The following KIF26B variants were observed in gnomAD, a reference collection of about 807,000 sequenced individuals.
KIF26B encodes kinesin family member 26B.
In KIF26B, 63 loss-of-function variants were observed where a neutral mutation model predicts 151.2. That is an observed-to-expected ratio of 0.42 (90% CI 0.34 to 0.51). KIF26B has a LOEUF of 0.51. Ranked by LOEUF, KIF26B falls within the 20% of genes least tolerant of loss-of-function variation. KIF26B has a pLI of 0.07. For missense variants in KIF26B, 2,813 were observed against 2,913.6 expected, an observed-to-expected ratio of 0.97 and a Z score of 0.79; for synonymous variants, 1,357 against 1,262.1, an observed-to-expected ratio of 1.08 and a Z score of -1.59.
chr1:245,685,647 C>G lies in KIF26B; in HGVS notation c.2664C>G (p.Asp888Glu), dbSNP rs1221325159. The G allele has an allele frequency of 1.2e-6, 2 of 1,613,286 alleles. No individual in the cohort carries two copies. Among genetic ancestry groups the G allele is most frequent in the Non-Finnish European group, 1.7e-6 (2 of 1,179,822 alleles). ...KELTDNEGPP[D>E]FVPIVPALQK... is the part of the protein sequence containing the mutation. ...TCACCGACAACGAGGGCCCCCCAGACTTTGTCCCTATCGTGCCAGCCCTGC... is the reference window on the plus strand; with the variant it reads ...TCACCGACAACGAGGGCCCCCCAGAGTTTGTCCCTATCGTGCCAGCCCTGC... The change falls in exon 12 of 15, where the codon GAC becomes GAG. Residue 888 changes from aspartate (D) to glutamate (E), a missense_variant. Coordinates refer to ENST00000407071, the MANE Select transcript of KIF26B (RefSeq NM_018012.4).
chr1:245,629,466 C>G (rs144647849), intron 9 of KIF26B, among the ~76,000 whole-genome samples: 1 of 151,998 alleles, frequency 6.6e-6, no homozygotes, highest in Non-Finnish European at 1.5e-5. Context: ...ATCTGATCTT[C>G]GACAAACCTG....
intron 2 of KIF26B, among the ~76,000 whole-genome samples, chr1:245,233,892 A>G (rs1670049249): frequency 6.6e-6 from 1 of 152,050 alleles, no homozygotes; most frequent in Non-Finnish European, 1.5e-5. Context: ...CTTAGAAATA[A>G]TGTTTCGGGC....
rs920446953 is a variant in KIF26B, at chr1:245,227,637, C to A, written c.465+70954C>A. On this transcript the variant is annotated intron_variant, in intron 2 of 14. Transcript: ENST00000407071. This position sits in a 1 kb window ranked among gnomAD's most constrained non-coding sequence, Gnocchi z 4.1. The stretch of plus-strand genomic sequence containing the variant: ...AGTTACAGTATTAGACTCACTGTTT[C>A]CTGAGCCACTAAATGTATCAGACTG... Among the ~76,000 whole-genome samples, 4 of 152,168 alleles carry A rather than the reference C, an allele frequency of 2.6e-5. No individual in the cohort carries two copies. Among genetic ancestry groups the A allele is most frequent in the African/African-American group, 9.7e-5 (4 of 41,446 alleles).
At chr1:245,288,535 A>G (rs1052779870) in intron 2 of KIF26B, among the ~76,000 whole-genome samples, 1 of 152,220 alleles carries the variant, frequency 6.6e-6, no homozygotes, top group Non-Finnish European at 1.5e-5. Flanking sequence ...CATATGCCGT[A>G]AAGATTGGGG....
intron 8 of KIF26B, among the ~76,000 whole-genome samples, chr1:245,611,377 T>A (rs2043519569): frequency 6.6e-6 from 1 of 152,168 alleles, no homozygotes. Context: ...GCAACCTACC[T>A]GTCTCCAAAC....
chr1:245,635,496 G>A (rs1260651580), intron 9 of KIF26B, among the ~76,000 whole-genome samples: 1 of 151,916 alleles, frequency 6.6e-6, no homozygotes. Context: ...TTGATCATTT[G>A]TGTCTTTCTT....
At chr1:245,553,769 G>T (rs1027608537) in intron 5 of KIF26B, among the ~76,000 whole-genome samples, 4 of 152,132 alleles carry the variant, frequency 2.6e-5, no homozygotes, top group African/African-American at 9.7e-5. Context: ...CTGATGGGCT[G>T]GTTAGTCCCA....
Position 245,217,487 on chromosome 1 carries a change from C to T in KIF26B, c.465+60804C>T, listed in dbSNP as rs943859526. On this transcript the variant is annotated intron_variant, in intron 2 of 14. Coordinates refer to ENST00000407071, the MANE Select transcript of KIF26B (RefSeq NM_018012.4). ...TCAAGCGATTCTCCTGCCTCAGCCT[C>T]CCTAGTAGCTGGCATTACAGGTGCC... Among the ~76,000 whole-genome samples the T allele has an allele frequency of 2.0e-5, 3 of 151,886 alleles. No homozygotes were observed. The South Asian group carries it at 6.2e-4, about 32-fold the overall frequency.
chr1:245,389,345 T>A (rs545111949), intron 3 of KIF26B, among the ~76,000 whole-genome samples: 2 of 151,698 alleles, frequency 1.3e-5, no homozygotes, highest in African/African-American at 4.8e-5. Context: ...ACTCCTGACC[T>A]CAGGTGATCC....
chr1:245,308,417 T>A (rs1671598442), intron 2 of KIF26B, among the ~76,000 whole-genome samples: 1 of 152,198 alleles, frequency 6.6e-6, no homozygotes, highest in Non-Finnish European at 1.5e-5. Context: ...GAAGATTAAA[T>A]AACCTACTTG....
At chr1:245,442,607 A>G (rs1233450720) in intron 4 of KIF26B, among the ~76,000 whole-genome samples, 1 of 151,810 alleles carries the variant, frequency 6.6e-6, no homozygotes, top group Non-Finnish European at 1.5e-5. Context: ...ATACTGGGGA[A>G]CTCTGGGGGT....
chr1:245,319,332 G>A (rs1260375171), intron 2 of KIF26B, among the ~76,000 whole-genome samples: 2 of 152,144 alleles, frequency 1.3e-5, no homozygotes, highest in East Asian at 1.9e-4. Flanking sequence ...TGACAATGTG[G>A]CATTTTGCTG....
At chr1:245,465,440 C>G (rs1329883990) in intron 4 of KIF26B, among the ~76,000 whole-genome samples, 1 of 152,128 alleles carries the variant, frequency 6.6e-6, no homozygotes, top group Non-Finnish European at 1.5e-5. Context: ...GCAGGAGCCC[C>G]CATGCCTCCT....
At chr1:245,561,624 T>A (rs913628418) in intron 5 of KIF26B, among the ~76,000 whole-genome samples, 1 of 152,242 alleles carries the variant, frequency 6.6e-6, no homozygotes, top group Admixed American at 6.5e-5. Context: ...AACTCATTTA[T>A]GTACATCAAC....
chr1:245,349,114 C>T (rs1045082305), intron 2 of KIF26B, among the ~76,000 whole-genome samples: 6 of 152,138 alleles, frequency 3.9e-5, no homozygotes, highest in Non-Finnish European at 8.8e-5. Flanking sequence ...GGCTCTATCG[C>T]ACAACTGGGT....
chr1:245,251,876 T>A (rs1189924022), intron 2 of KIF26B, among the ~76,000 whole-genome samples: 1 of 152,138 alleles, frequency 6.6e-6, no homozygotes, highest in Non-Finnish European at 1.5e-5. Context: ...GCCAAAAATA[T>A]ATATATATGG....
intron 2 of KIF26B, among the ~76,000 whole-genome samples, chr1:245,313,134 C>T (rs190653428): frequency 2.4e-3 from 370 of 152,132 alleles, no homozygotes; most frequent in African/African-American, 8.2e-3. Flanking sequence ...ACTTCAGCCT[C>T]GGCGACAGAG....
At chr1:245,632,628 C>T (rs1250217175) in intron 9 of KIF26B, among the ~76,000 whole-genome samples, 1 of 152,138 alleles carries the variant, frequency 6.6e-6, no homozygotes, top group Admixed American at 6.5e-5. Context: ...TGGACCAGGA[C>T]CAGGCACATT....
intron 3 of KIF26B, among the ~76,000 whole-genome samples, chr1:245,379,475 ATTT>A (rs111967663): frequency 1.4e-5 from 2 of 140,804 alleles, no homozygotes; most frequent in African/African-American, 2.6e-5. Flanking sequence ...CTAGTTTATG[ATTT>A]TTTTTTTTTT....
Sources: allele counts gnomAD v4.1 joint callset (sites outside exome capture counted in the v4.1 genomes callset), GRCh38; gene constraint gnomAD v4.1.1; non-coding constraint Gnocchi (gnomAD v3.1); transcripts MANE v1.5; gene names NCBI Gene and HGNC (gene_info 2026-07-23, HGNC 2026-07-21).